TMEM132D: variants seen among roughly 807,000 people sequenced by gnomAD.
TMEM132D encodes mature OL transmembrane protein.
TMEM132D carries 21 observed loss-of-function variants against 62.3 expected under a neutral mutation model. The observed-to-expected ratio is 0.34, with a 90% CI of 0.24 to 0.49. The LOEUF is 0.49. TMEM132D is among the 20% of genes least tolerant of loss of function. TMEM132D has a pLI of 0.99. For synonymous variants in TMEM132D, 621 were observed against 575.6 expected (o/e 1.08, Z -1.13); for missense variants, 1,346 against 1,402.8 (o/e 0.96, Z 0.65).
chr12:129,114,405 C>T (rs1352817401), intron 5 of TMEM132D, among the ~76,000 whole-genome samples: 1 of 151,560 alleles, frequency 6.6e-6, no homozygotes, highest in Non-Finnish European at 1.5e-5. Flanking sequence ...TCCTTCCCTC[C>T]TTCCCTCCTT....
intron 1 of TMEM132D, among the ~76,000 whole-genome samples, chr12:129,885,759 G>A (rs1021993257): frequency 2.0e-5 from 3 of 152,274 alleles, no homozygotes; most frequent in Non-Finnish European, 4.4e-5. Flanking sequence ...ATTTTAAAAT[G>A]AAACTGTTAC....
At chr12:129,313,874 G>A (rs537241956) in intron 4 of TMEM132D, among the ~76,000 whole-genome samples, 32 of 152,090 alleles carry the variant, frequency 2.1e-4, no homozygotes, top group Admixed American at 1.2e-3. Context: ...CAACATGTAC[G>A]GTTTTATGAC....
chr12:129,698,047 G>C (rs1037484436), intron 2 of TMEM132D: 1 of 152,104 alleles, frequency 6.6e-6, no homozygotes, highest in Non-Finnish European at 1.5e-5. Flanking sequence ...GGTATGAAAC[G>C]GTGTAAGATC....
chr12:129,245,117 A>G (rs984924027), intron 4 of TMEM132D, among the ~76,000 whole-genome samples: 4 of 152,230 alleles, frequency 2.6e-5, no homozygotes, highest in Admixed American at 2.0e-4. Context: ...TGTAGTGTAT[A>G]GTTCTATATA....
At chr12:129,417,628 G>A (rs1872165436) in intron 3 of TMEM132D, among the ~76,000 whole-genome samples, 1 of 152,092 alleles carries the variant, frequency 6.6e-6, no homozygotes, top group Admixed American at 6.6e-5. Context: ...TACCATTCAG[G>A]ACATAGGCAT....
At chr12:129,308,985 C>T (rs992161125) in intron 4 of TMEM132D, among the ~76,000 whole-genome samples, 2 of 152,176 alleles carry the variant, frequency 1.3e-5, no homozygotes, top group African/African-American at 4.8e-5. Context: ...GTAAGCTGCT[C>T]ATGTGAGCAA....
intron 4 of TMEM132D, among the ~76,000 whole-genome samples, chr12:129,276,878 A>C (rs527977567): frequency 1.4e-4 from 21 of 152,364 alleles, no homozygotes; most frequent in African/African-American, 5.1e-4. Context: ...CTCTGGGTAC[A>C]TCATGCCTCA....
Position 129,475,359 on chromosome 12 carries a change from G to C in TMEM132D, c.1115+55700C>G, listed in dbSNP as rs74589453. Among the ~76,000 whole-genome samples, 1,064 of 152,208 alleles carry C rather than the reference G, an allele frequency of 7.0e-3. 7 individuals are homozygous for C. The Middle Eastern group carries it at 0.071, about 10-fold the overall frequency. On this transcript the variant is annotated intron_variant, in intron 3 of 8. Transcript: ENST00000422113. ...GGACTTAGGCATTCCATCCTTGTGT[G>C]AATTTCATGCCTACAACTCTTCATG... is the stretch of plus-strand genomic sequence containing the variant.
At chr12:129,309,847 T>A (rs1200448121) in intron 4 of TMEM132D, among the ~76,000 whole-genome samples, 2 of 150,980 alleles carry the variant, frequency 1.3e-5, no homozygotes, top group African/African-American at 4.9e-5. Context: ...AAGCTACATT[T>A]AAAAAAAAAC....
At chr12:129,631,485 C>T (rs1345600257) in intron 2 of TMEM132D, among the ~76,000 whole-genome samples, 1 of 152,204 alleles carries the variant, frequency 6.6e-6, no homozygotes, top group East Asian at 1.9e-4. Flanking sequence ...AGAAGTTGCA[C>T]ACTAACACAT....
chr12:129,720,598 G>A (rs954546101), intron 1 of TMEM132D, among the ~76,000 whole-genome samples: 7 of 152,276 alleles, frequency 4.6e-5, no homozygotes, highest in Middle Eastern at 3.4e-3. Context: ...TGGCTGGGCC[G>A]TCTAGGGAGA....
intron 3 of TMEM132D, among the ~76,000 whole-genome samples, chr12:129,515,815 A>G (rs1171285785): frequency 6.6e-6 from 1 of 152,150 alleles, no homozygotes; most frequent in Non-Finnish European, 1.5e-5. Context: ...TTCCTCATTG[A>G]ACCCATGCAT....
At chr12:129,602,802 G>C (rs1376574290) in intron 2 of TMEM132D, among the ~76,000 whole-genome samples, 1 of 152,152 alleles carries the variant, frequency 6.6e-6, no homozygotes, top group Non-Finnish European at 1.5e-5. Flanking sequence ...CCCAAACTGG[G>C]TAATTTATAA....
intron 5 of TMEM132D, chr12:129,110,471 G>A (rs761557045): frequency 4.6e-5 from 7 of 152,146 alleles, no homozygotes; most frequent in Non-Finnish European, 1.0e-4. Context: ...GTTTTTGTTT[G>A]TGAAATATAA....
chr12:129,188,762 GGAGAGAGAGAGAGAGAGAGA>G (rs569138938), intron 5 of TMEM132D, among the ~76,000 whole-genome samples: 27 of 126,224 alleles, frequency 2.1e-4, no homozygotes, highest in African/African-American at 4.1e-4. Flanking sequence ...AGGGAGAGAG[GGAGAGAGAGAGAGAGAGAGA>G]GAGAGAGAGA....
At chr12:129,531,514 C>A (rs1269983151) in intron 2 of TMEM132D, among the ~76,000 whole-genome samples, 1 of 152,130 alleles carries the variant, frequency 6.6e-6, no homozygotes, top group African/African-American at 2.4e-5. Context: ...AACACAAACA[C>A]AGAACTACCT....
chr12:129,777,573 CAAG>C (rs1457034788), intron 1 of TMEM132D, among the ~76,000 whole-genome samples: 1 of 152,154 alleles, frequency 6.6e-6, no homozygotes, highest in Non-Finnish European at 1.5e-5. Context: ...CAGACACATA[CAAG>C]AAGAACCCAG....
At chr12:129,841,319 A>G (rs984643740) in intron 1 of TMEM132D, among the ~76,000 whole-genome samples, 1 of 151,534 alleles carries the variant, frequency 6.6e-6, no homozygotes, top group Non-Finnish European at 1.5e-5. Flanking sequence ...TTAAAAAAGA[A>G]AAAAAAAAGA....
chr12:129,546,923 A>T (rs1270186688), intron 2 of TMEM132D, among the ~76,000 whole-genome samples: 2 of 152,230 alleles, frequency 1.3e-5, no homozygotes, highest in Non-Finnish European at 1.5e-5. Context: ...CATACAGTTT[A>T]TTAATAAGCT....
Sources: gnomAD v4.1 joint callset for allele counts (sites outside exome capture counted in the v4.1 genomes callset) on GRCh38, gnomAD v4.1.1 for gene constraint, MANE v1.5 for transcripts, NCBI Gene and HGNC (gene_info 2026-07-23, HGNC 2026-07-21) for gene names.